The following MAP3K5 variants were observed in gnomAD, a reference collection of about 807,000 sequenced individuals.
The protein encoded by MAP3K5 is ASK-1.
A neutral mutation model predicts 158.7 loss-of-function variants in MAP3K5; 56 were observed. The observed-to-expected ratio is 0.35, with a 90% CI of 0.28 to 0.44. The LOEUF (loss-of-function observed/expected upper bound fraction) is 0.44, where lower values mean the gene tolerates loss of function less well. MAP3K5 is among the 20% of genes least tolerant of loss of function. The pLI, the probability that MAP3K5 is intolerant of heterozygous loss-of-function variation, is 1.00. For missense variants in MAP3K5, 1,294 were observed against 1,674.8 expected, an observed-to-expected ratio of 0.77 and a Z score of 3.97; for synonymous variants, 579 against 601.7, an observed-to-expected ratio of 0.96 and a Z score of 0.55.
At chr6:136,620,249 G>T (rs920678516) in intron 15 of MAP3K5, among the ~76,000 whole-genome samples, 1 of 152,152 alleles carries the variant, frequency 6.6e-6, no homozygotes, top group Non-Finnish European at 1.5e-5. Flanking sequence ...TAGCCTGAAT[G>T]ACAGAGTGAG....
intron 3 of MAP3K5, among the ~76,000 whole-genome samples, chr6:136,704,492 C>T (rs1475040407): frequency 6.6e-6 from 1 of 152,110 alleles, no homozygotes; most frequent in Non-Finnish European, 1.5e-5. Flanking sequence ...ATATAGGCTG[C>T]TTTAGTGCCA....
intron 1 of MAP3K5, among the ~76,000 whole-genome samples, chr6:136,764,857 C>T (rs1426515956): frequency 1.3e-5 from 2 of 152,196 alleles, no homozygotes. Context: ...ACTCAAGGCA[C>T]ACTTCCTGGC....
chr6:136,637,383 A>T lies in MAP3K5; in HGVS notation c.1958T>A (p.Ile653Asn). 2 of 1,610,040 alleles carry T rather than the reference A, an allele frequency of 1.2e-6. No individual in the cohort carries two copies. Among genetic ancestry groups the T allele is most frequent in the Non-Finnish European group, 1.7e-6 (2 of 1,176,286 alleles). ...CKKFFEMVNT[I>N]TEEKGRSTEE... ...TGTGCTTCTCCCCTTCTCTTCGGTA[A>T]TGGTGTTCACCATCTCAAAAAACCT... The change falls in exon 14 of 30, where the codon ATT becomes AAT. Residue 653 changes from isoleucine (I) to asparagine (N), a missense_variant. Ile to Asn is a moderately radical substitution (Grantham distance 149, BLOSUM62 -3). Around this residue, in one of 5 missense-constraint regions of MAP3K5, gnomAD observed 690 missense variants for 870.5 expected, o/e 0.79. Transcript: ENST00000359015.
chr6:136,582,252 G>A (rs1156518042), intron 24 of MAP3K5, among the ~76,000 whole-genome samples: 2 of 144,300 alleles, frequency 1.4e-5, no homozygotes, highest in African/African-American at 2.6e-5. Flanking sequence ...ATGTGTACAC[G>A]TGTGTGTATA....
At chr6:136,597,783 A>G (rs1775697674) in intron 21 of MAP3K5, among the ~76,000 whole-genome samples, 1 of 152,230 alleles carries the variant, frequency 6.6e-6, no homozygotes, top group Non-Finnish European at 1.5e-5. Context: ...ATCTTACTAA[A>G]TAAACCATCC....
chr6:136,671,377 C>T (rs117653664), intron 7 of MAP3K5, among the ~76,000 whole-genome samples: 2,245 of 152,188 alleles, frequency 0.015, 23 homozygotes, highest in Non-Finnish European at 0.022. Flanking sequence ...ATTAATAATT[C>T]ACATTTTTCT....
chr6:136,610,658 T>A (rs1583269767), intron 18 of MAP3K5, among the ~76,000 whole-genome samples: 1 of 136,698 alleles, frequency 7.3e-6, no homozygotes. Flanking sequence ...AAGAAGTAAT[T>A]ACATGAAAAG....
At chr6:136,687,094 C>T (rs6909522) in intron 7 of MAP3K5, among the ~76,000 whole-genome samples, 27,668 of 151,984 alleles carry the variant, frequency 0.18, 6,612 homozygotes, top group African/African-American at 0.55. Flanking sequence ...CAATGGAACA[C>T]AACAGAGGCC....
chr6:136,645,847 T>TAA (rs1270930292), intron 11 of MAP3K5, among the ~76,000 whole-genome samples: 1 of 152,142 alleles, frequency 6.6e-6, no homozygotes, highest in African/African-American at 2.4e-5. Context: ...GAGGAGTGAC[T>TAA]AAAGAAATAA....
At chr6:136,692,753 T>C (rs1175891792) in intron 7 of MAP3K5, among the ~76,000 whole-genome samples, 1 of 152,174 alleles carries the variant, frequency 6.6e-6, no homozygotes, top group Non-Finnish European at 1.5e-5. Flanking sequence ...AAGAAATCTT[T>C]GCCCCAGTCA....
At chr6:136,671,605 T>C (rs1779485625) in intron 7 of MAP3K5, among the ~76,000 whole-genome samples, 1 of 152,106 alleles carries the variant, frequency 6.6e-6, no homozygotes, top group African/African-American at 2.4e-5. Context: ...ATCAAAACTA[T>C]AGAATTTTTG....
intron 2 of MAP3K5, among the ~76,000 whole-genome samples, chr6:136,711,367 A>G (rs527490016): frequency 6.6e-6 from 1 of 152,216 alleles, no homozygotes; most frequent in African/African-American, 2.4e-5. Context: ...TCTCTTCTGT[A>G]AAGAAAATAT....
intron 24 of MAP3K5, among the ~76,000 whole-genome samples, chr6:136,581,857 C>A (rs189223809): frequency 6.6e-6 from 1 of 152,138 alleles, no homozygotes; most frequent in African/African-American, 2.4e-5. Context: ...CCGATGCGGG[C>A]GGATCACCTG....
intron 1 of MAP3K5, among the ~76,000 whole-genome samples, chr6:136,734,571 G>T (rs975615111): frequency 2.6e-5 from 4 of 151,944 alleles, no homozygotes; most frequent in Non-Finnish European, 5.9e-5. Flanking sequence ...CATAAATTTA[G>T]ATCTCTATAA....
At chr6:136,622,805 C>G (rs200167621) in intron 15 of MAP3K5, 43 bp downstream of exon 15, 305 of 1,594,116 alleles carry the variant, frequency 1.9e-4, no homozygotes, top group Non-Finnish European at 2.6e-4. Context: ...GTCAACAACC[C>G]AAAGTACTAC....
intron 1 of MAP3K5, among the ~76,000 whole-genome samples, chr6:136,754,851 G>A (rs1182266062): frequency 2.6e-5 from 4 of 152,140 alleles, no homozygotes; most frequent in Non-Finnish European, 2.9e-5. Context: ...AAACGGGGCT[G>A]AGGCACGTTC....
At chr6:136,648,229 A>C (rs1442013156) in intron 11 of MAP3K5, among the ~76,000 whole-genome samples, 1 of 152,222 alleles carries the variant, frequency 6.6e-6, no homozygotes, top group Non-Finnish European at 1.5e-5. Context: ...TACAATTGAC[A>C]CTTCTAATAA....
At position 136,583,538 on chromosome 6, in the gene MAP3K5, C is replaced by A; in HGVS notation, c.3411+17G>T. 6 of 1,594,028 alleles carry A rather than the reference C, an allele frequency of 3.8e-6. No homozygotes were observed. Among genetic ancestry groups the A allele is most frequent in the South Asian group, 3.4e-5 (3 of 88,226 alleles). On this transcript the variant is annotated intron_variant, in intron 24 of 29. Coordinates refer to ENST00000359015, the MANE Select transcript of MAP3K5 (RefSeq NM_005923.4). ...ATTTTAGTGTGTGGGAAAACACTGG[C>A]AAAATATCATACTTACAGCATCTTG... is the stretch of plus-strand genomic sequence containing the variant.
intron 7 of MAP3K5, among the ~76,000 whole-genome samples, chr6:136,680,174 G>A (rs1025013359): frequency 3.3e-5 from 5 of 152,106 alleles, no homozygotes; most frequent in Non-Finnish European, 5.9e-5. Flanking sequence ...GCCCAGGGCC[G>A]GCGGAAGGAG....
Sources: allele counts gnomAD v4.1 joint callset (sites outside exome capture counted in the v4.1 genomes callset), GRCh38; gene constraint gnomAD v4.1.1; regional missense constraint gnomAD v4.1.1; transcripts MANE v1.5; gene names NCBI Gene and HGNC (gene_info 2026-07-23, HGNC 2026-07-21).